EIF4A3: variants seen among roughly 807,000 people sequenced by gnomAD.
EIF4A3 encodes eukaryotic translation initiation factor 4A3.
EIF4A3 carries 1 observed loss-of-function variant against 55.6 expected under a neutral mutation model. The observed-to-expected ratio is 0.02, with a 90% CI of 0.01 to 0.09. The LOEUF (loss-of-function observed/expected upper bound fraction) is 0.09. EIF4A3 is among the 10% of genes least tolerant of loss of function. The probability of loss-of-function intolerance (pLI) is 1.00; values close to 1 mark genes in which losing one functional copy is unlikely to be tolerated. For synonymous variants in EIF4A3, 194 were observed against 196.3 expected, an observed-to-expected ratio of 0.99 and a Z score of 0.10; for missense variants, 221 against 540.7, an observed-to-expected ratio of 0.41 and a Z score of 5.86.
intron 11 of EIF4A3, chr17:80,135,766 G>T (rs780791622): frequency 1.5e-5 from 9 of 612,424 alleles, no homozygotes; most frequent in Admixed American, 6.2e-5. Flanking sequence ...TATGGTGCAC[G>T]TGTCTGTAAT....
At chr17:80,139,471 C>T in intron 6 of EIF4A3, 199 bp downstream of exon 6, 1 of 635,546 alleles carries the variant, frequency 1.6e-6, no homozygotes, top group Non-Finnish European at 2.7e-6. Flanking sequence ...TAGAGGCTGG[C>T]CTGAGTCACC....
At chr17:80,137,674 G>C (rs2039584107) in intron 8 of EIF4A3, 173 bp from the exon 9 acceptor site, 5 of 588,144 alleles carry the variant, frequency 8.5e-6, no homozygotes, top group South Asian at 2.1e-5. Context: ...GAAAATGTTG[G>C]GGTGCACTCA....
Position 80,136,351 on chromosome 17 carries a change from G to A in EIF4A3, c.984-16C>T. 6.3e-6 allele frequency: 10 copies of A among 1,596,152 alleles called. No homozygotes were observed. The highest frequency in any genetic ancestry group is 8.6e-6 in the Non-Finnish European group (10 of 1,167,386). ...AAGCACTCGGCTGCAAAAAGAAAGA[G>A]TGTTTGAGGCGATTAAATTACTCAT... is the stretch of plus-strand genomic sequence containing the variant. On this transcript the variant is annotated splice_polypyrimidine_tract_variant and intron_variant, in intron 9 of 11. Transcript: ENST00000649764.
At chr17:80,145,506 A>T (rs2039651983) in intron 1 of EIF4A3, among the ~76,000 whole-genome samples, 1 of 152,180 alleles carries the variant, frequency 6.6e-6, no homozygotes, top group Admixed American at 6.5e-5. Flanking sequence ...GGAAGTTGCA[A>T]TAAGCTGAGA....
Position 80,138,252 on chromosome 17 carries a change from G to C in EIF4A3, c.757C>G (p.Gln253Glu). The C allele has an allele frequency of 6.2e-7, 1 of 1,613,962 alleles. No individual in the cohort carries two copies. Among genetic ancestry groups the C allele is most frequent in the South Asian group, 1.1e-5 (1 of 91,076 alleles). ...RDELTLEGIK[Q>E]FFVAVEREEW... Reference sequence around the variant, plus strand: ...TCCCTCTCCACTGCCACGAAAAATTGCTTGATGCCTTCCAGAGTCAATTCA... The same window carrying C: ...TCCCTCTCCACTGCCACGAAAAATTCCTTGATGCCTTCCAGAGTCAATTCA... Residue 253 changes from glutamine (Q) to glutamate (E), a missense_variant, in exon 8 of 12, where the codon CAA (glutamine) becomes GAA (glutamate). Transcript: ENST00000649764.
intron 7 of EIF4A3, 142 bp from the exon 8 acceptor site, chr17:80,138,422 C>T (rs1280982548): frequency 1.1e-6 from 1 of 912,978 alleles, no homozygotes; most frequent in Non-Finnish European, 1.7e-6. Flanking sequence ...CCAGCCCTGT[C>T]CTCCATCCTA....
chr17:80,139,404 G>A (rs2039599841), intron 6 of EIF4A3: 1 of 631,230 alleles, frequency 1.6e-6, no homozygotes, highest in Non-Finnish European at 2.7e-6. Flanking sequence ...TCAATCTGAA[G>A]TGATCTAGGG....
intron 10 of EIF4A3, 41 bp downstream of exon 10, chr17:80,136,187 A>G: frequency 1.2e-6 from 2 of 1,613,280 alleles, no homozygotes; most frequent in Non-Finnish European, 1.7e-6. Flanking sequence ...GATTTAGTAA[A>G]TGTGTCACAG....
At position 80,134,831 on chromosome 17, in the gene EIF4A3, CTCTT is replaced by C. The variant is rs2039556905; in HGVS notation, c.*655_*658del. 6.6e-6 allele frequency among the ~76,000 whole-genome samples: 1 copy of C among 151,816 alleles called. No individual in the cohort carries two copies. Among genetic ancestry groups the C allele is most frequent in the Non-Finnish European group, 1.5e-5 (1 of 67,944 alleles). On this transcript the variant is annotated 3_prime_UTR_variant, in exon 12 of 12. Coordinates refer to ENST00000649764, the MANE Select transcript of EIF4A3 (RefSeq NM_014740.4). ...AGAGCAAAACTCATCAACGATGAAA[CTCTT>C]TCCAAAAAAAAAGATTAGAAAAGTG...
rs568770401 is a variant in EIF4A3, at chr17:80,134,378, ATAACT to A, written c.*1107_*1111del. ...GTAATTACTTTAAATATTTCAACAG[ATAACT>A]TAAATACTTTAATAATTTAAATATT... is the stretch of plus-strand genomic sequence containing the variant. On this transcript the variant is annotated 3_prime_UTR_variant, in exon 12 of 12. Coordinates refer to ENST00000649764, the MANE Select transcript of EIF4A3 (RefSeq NM_014740.4). Among the ~76,000 whole-genome samples the A allele has an allele frequency of 2.6e-5, 4 of 152,188 alleles. No individual in the cohort carries two copies. Among genetic ancestry groups the A allele is most frequent in the Non-Finnish European group, 4.4e-5 (3 of 68,030 alleles).
intron 1 of EIF4A3, 94 bp downstream of exon 1, chr17:80,146,699 G>C (rs1273399930): frequency 7.0e-7 from 1 of 1,418,506 alleles, no homozygotes; most frequent in East Asian, 2.7e-5. Context: ...CCTCCGGAGC[G>C]CAGGGCCGGC....
intron 6 of EIF4A3, 59 bp downstream of exon 6, chr17:80,139,611 T>C: frequency 6.8e-7 from 1 of 1,469,098 alleles, no homozygotes; most frequent in East Asian, 2.3e-5. Flanking sequence ...TTTTACACTG[T>C]GAAAATTTAA....
chr17:80,144,753 T>C (rs770355597), intron 1 of EIF4A3, among the ~76,000 whole-genome samples: 1 of 152,234 alleles, frequency 6.6e-6, no homozygotes, highest in African/African-American at 2.4e-5. Context: ...TGTGTGTTGC[T>C]GACAGGTCTA....
At chr17:80,140,848 G>A (rs1199640531) in intron 4 of EIF4A3, among the ~76,000 whole-genome samples, 1 of 151,468 alleles carries the variant, frequency 6.6e-6, no homozygotes, top group African/African-American at 2.4e-5. Flanking sequence ...CCAGACTAGA[G>A]TACAACGGCA....
In EIF4A3 at chr17:80,136,347, A is replaced by G; in HGVS notation, c.984-12T>C. 1.2e-6 allele frequency: 2 copies of G among 1,606,962 alleles called. No individual in the cohort carries two copies. Among genetic ancestry groups the G allele is most frequent in the South Asian group, 2.2e-5 (2 of 90,496 alleles). ...AAATAAGCACTCGGCTGCAAAAAGAAAGAGTGTTTGAGGCGATTAAATTAC... is the reference window on the plus strand; with the variant it reads ...AAATAAGCACTCGGCTGCAAAAAGAGAGAGTGTTTGAGGCGATTAAATTAC... On this transcript the variant is annotated splice_polypyrimidine_tract_variant and intron_variant, in intron 9 of 11. Transcript: ENST00000649764.
At chr17:80,135,890 G>A (rs774915280) in intron 11 of EIF4A3, 114 bp downstream of exon 11, 29 of 1,422,126 alleles carry the variant, frequency 2.0e-5, no homozygotes, top group East Asian at 4.6e-5. Context: ...GCGAAACTTC[G>A]TCTCAAAAAC....
At chr17:80,144,912 C>G (rs952834389) in intron 1 of EIF4A3, among the ~76,000 whole-genome samples, 1 of 152,184 alleles carries the variant, frequency 6.6e-6, no homozygotes, top group Admixed American at 6.5e-5. Flanking sequence ...AGAAGAACCA[C>G]GTGTTTTTCA....
In EIF4A3 at chr17:80,147,117, CG is replaced by C. The variant is rs2039676277; in HGVS notation, c.-157del. 8.5e-7 allele frequency: 1 copy of C among 1,182,750 alleles called. No individual in the cohort carries two copies. Among genetic ancestry groups the C allele is most frequent in the Non-Finnish European group, 1.1e-6 (1 of 899,936 alleles). The allele number at this position is 1,182,750 out of a possible 1,614,324, so 73.3% of individuals were successfully genotyped here. Reference sequence around the variant, plus strand: ...GCTGCCGACCTCGCTGTGCCGCTGCCGACCTCGCTGTGCCGCTGCCGAGAAC... The same window carrying C: ...GCTGCCGACCTCGCTGTGCCGCTGCCACCTCGCTGTGCCGCTGCCGAGAAC... On this transcript the variant is annotated 5_prime_UTR_variant, in exon 1 of 12. Coordinates refer to ENST00000649764, the MANE Select transcript of EIF4A3 (RefSeq NM_014740.4).
intron 8 of EIF4A3, among the ~76,000 whole-genome samples, chr17:80,137,905 G>A (rs1228083930): frequency 6.6e-5 from 10 of 152,136 alleles, no homozygotes; most frequent in Admixed American, 5.9e-4. Flanking sequence ...TTCAGCCAAC[G>A]AAATCTGAAT....
Sources: gnomAD v4.1 joint callset for allele counts (sites outside exome capture counted in the v4.1 genomes callset) on GRCh38, gnomAD v4.1.1 for gene constraint, MANE v1.5 for transcripts, NCBI Gene and HGNC (gene_info 2026-07-23, HGNC 2026-07-21) for gene names.